Variants in PRKG1 observed in about 807,000 individuals in gnomAD.
PRKG1 encodes the protein protein kinase cGMP-dependent 1.
PRKG1 carries 35 observed loss-of-function variants against 88.1 expected under a neutral mutation model. The ratio of observed to expected loss-of-function variants is 0.40; its 90% confidence interval spans 0.30 to 0.53. The LOEUF is 0.53. Among genes scored for constraint, PRKG1 ranks in the 20% least tolerant of loss-of-function variants. PRKG1 has a pLI of 0.59. For missense variants in PRKG1, 540 were observed against 839.8 expected (o/e 0.64, Z 4.41); for synonymous variants, 303 against 292.5 (o/e 1.04, Z -0.37).
In PRKG1 at chr10:51,796,415, A is replaced by G. The variant is rs1404726093; in HGVS notation, c.593-8170A>G. Among the ~76,000 whole-genome samples the G allele has an allele frequency of 2.6e-5, 4 of 152,252 alleles. No individual in the cohort carries two copies. The East Asian group carries it at 7.7e-4, about 29-fold the overall frequency. ...AAATTATTCCTAAGTTATTTTACAT[A>G]CTTTTTTCATACCATCTTCTAAATC... On this transcript the variant is annotated intron_variant, in intron 3 of 17. Transcript: ENST00000373980.
intron 2 of PRKG1, among the ~76,000 whole-genome samples, chr10:51,272,260 G>C (rs1310033367): frequency 6.6e-6 from 1 of 151,908 alleles, no homozygotes; most frequent in Non-Finnish European, 1.5e-5. Flanking sequence ...CTTTTTGATG[G>C]GGTTGTTGAA....
chr10:52,096,863 A>G (rs1250166150), intron 7 of PRKG1, among the ~76,000 whole-genome samples: 2 of 152,110 alleles, frequency 1.3e-5, no homozygotes, highest in African/African-American at 4.8e-5. Flanking sequence ...TTCTACTACA[A>G]TGTAATATTG....
intron 3 of PRKG1, among the ~76,000 whole-genome samples, chr10:51,663,915 T>C (rs919741050): frequency 1.3e-5 from 2 of 152,042 alleles, no homozygotes; most frequent in Non-Finnish European, 2.9e-5. Flanking sequence ...GTTTCAAAAT[T>C]TAACATTTAT....
chr10:51,722,170 A>G (rs935640933), intron 3 of PRKG1, among the ~76,000 whole-genome samples: 1 of 151,468 alleles, frequency 6.6e-6, no homozygotes, highest in Admixed American at 6.6e-5. Flanking sequence ...CGGAGGTTGC[A>G]GTGAGCCGAG....
chr10:51,881,339 T>C (rs1342874531), intron 4 of PRKG1, among the ~76,000 whole-genome samples: 1 of 152,232 alleles, frequency 6.6e-6, no homozygotes, highest in Non-Finnish European at 1.5e-5. Flanking sequence ...AATTGTGCAT[T>C]GGCTGTGCTC....
intron 1 of PRKG1, among the ~76,000 whole-genome samples, chr10:51,009,453 T>C (rs1185569576): frequency 6.6e-6 from 1 of 152,200 alleles, no homozygotes; most frequent in Non-Finnish European, 1.5e-5. Flanking sequence ...TTAGCTTTAC[T>C]AGAGGGTTTT....
chr10:52,021,965 C>T (rs7921124), intron 5 of PRKG1, among the ~76,000 whole-genome samples: 32,987 of 152,060 alleles, frequency 0.22, 3,823 homozygotes, highest in East Asian at 0.32. Flanking sequence ...CTGCACTAAA[C>T]GTAACTTGTC....
Position 51,129,691 on chromosome 10 carries a change from C to G in PRKG1, c.312-23473C>G, listed in dbSNP as rs147753244. The stretch of plus-strand genomic sequence containing the variant: ...AGAGATCTACAAGTCAGATTGGAAC[C>G]ATGCATATATTTTAGTTTCCTAGCA... On this transcript the variant is annotated intron_variant, in intron 1 of 17. Coordinates refer to ENST00000373980, the MANE Select transcript of PRKG1 (RefSeq NM_006258.4). Among the ~76,000 whole-genome samples the G allele has an allele frequency of 9.6e-3, 1,465 of 152,222 alleles. 17 individuals carry two copies. The highest frequency in any genetic ancestry group is 0.046 in the South Asian group (221 of 4,816).
At chr10:51,060,603 A>T (rs891637826) in intron 1 of PRKG1, among the ~76,000 whole-genome samples, 2 of 151,698 alleles carry the variant, frequency 1.3e-5, no homozygotes, top group African/African-American at 4.8e-5. Flanking sequence ...TTAGCCCCTT[A>T]CTCTCTTTTA....
intron 3 of PRKG1, among the ~76,000 whole-genome samples, chr10:51,672,812 G>A (rs1024752762): frequency 1.3e-5 from 2 of 152,140 alleles, no homozygotes; most frequent in African/African-American, 4.8e-5. Context: ...ATTTTTAAGA[G>A]GGCTTTCACA....
chr10:52,068,111 G>A (rs1251506068), intron 7 of PRKG1, among the ~76,000 whole-genome samples: 1 of 135,936 alleles, frequency 7.4e-6, no homozygotes, highest in African/African-American at 2.5e-5. Context: ...GCTGAGGCAG[G>A]AGAATGGCGT....
intron 3 of PRKG1, among the ~76,000 whole-genome samples, chr10:51,627,879 C>CCCTTCCTTCCCTT (rs1839378720): frequency 1.4e-5 from 1 of 72,004 alleles, no homozygotes; most frequent in Non-Finnish European, 3.3e-5. Context: ...TCCTTCCCTT[C>CCCTTCCTTCCCTT]CCTTCCCTTC....
chr10:51,413,130 A>C (rs1838142667), intron 2 of PRKG1, among the ~76,000 whole-genome samples: 1 of 152,232 alleles, frequency 6.6e-6, no homozygotes, highest in Admixed American at 6.5e-5. Context: ...TCAAAATGAC[A>C]AATATGATTT....
chr10:52,116,280 G>GT (rs1847685313), intron 7 of PRKG1, among the ~76,000 whole-genome samples: 1 of 152,070 alleles, frequency 6.6e-6, no homozygotes, highest in Non-Finnish European at 1.5e-5. Flanking sequence ...CGTGTTTAGT[G>GT]TAACTACAAA....
At chr10:52,098,097 A>G (rs1055056994) in intron 7 of PRKG1, among the ~76,000 whole-genome samples, 14 of 152,302 alleles carry the variant, frequency 9.2e-5, no homozygotes, top group Non-Finnish European at 1.3e-4. Flanking sequence ...AGTTAAAAGG[A>G]AGAAAATGTT....
intron 3 of PRKG1, among the ~76,000 whole-genome samples, chr10:51,676,814 C>A (rs967141638): frequency 6.6e-6 from 1 of 152,072 alleles, no homozygotes; most frequent in African/African-American, 2.4e-5. Flanking sequence ...GTTGTCTATT[C>A]TTTTTTTGCT....
intron 9 of PRKG1, among the ~76,000 whole-genome samples, chr10:52,217,495 C>T (rs1367425220): frequency 1.3e-5 from 2 of 151,946 alleles, no homozygotes; most frequent in South Asian, 2.1e-4. Flanking sequence ...TACACCCTAC[C>T]GTCAAACAAT....
chr10:52,021,786 G>C (rs1019793965), intron 5 of PRKG1, among the ~76,000 whole-genome samples: 1 of 152,160 alleles, frequency 6.6e-6, no homozygotes, highest in Non-Finnish European at 1.5e-5. Flanking sequence ...AATTATTCAA[G>C]TATATAGCCA....
intron 5 of PRKG1, among the ~76,000 whole-genome samples, chr10:51,921,707 A>G (rs776713826): frequency 2.0e-5 from 3 of 151,988 alleles, no homozygotes; most frequent in Non-Finnish European, 4.4e-5. Flanking sequence ...TATGTGCTGG[A>G]TTACAGTAAT....
Sources: allele counts gnomAD v4.1 joint callset (sites outside exome capture counted in the v4.1 genomes callset), GRCh38; gene constraint gnomAD v4.1.1; transcripts MANE v1.5; gene names NCBI Gene and HGNC (gene_info 2026-07-23, HGNC 2026-07-21).